The following TXNRD1 variants were observed in gnomAD, a reference collection of about 807,000 sequenced individuals.
TXNRD1 encodes the protein thioredoxin reductase 1, cytoplasmic.
In TXNRD1, 57 loss-of-function variants were observed where a neutral mutation model predicts 80.3. The observed-to-expected ratio is 0.71, with a 90% CI of 0.57 to 0.89. The LOEUF is 0.89. TXNRD1 is among the 40% of genes least tolerant of loss of function. The pLI is 0.00. For synonymous variants in TXNRD1, 291 were observed against 285.2 expected (o/e 1.02, Z -0.20); for missense variants, 730 against 803.0 (o/e 0.91, Z 1.10).
chr12:104,275,102 C>T (rs2033729112), intron 3 of TXNRD1, among the ~76,000 whole-genome samples: 1 of 151,942 alleles, frequency 6.6e-6, no homozygotes. Flanking sequence ...CTCCTTTTAG[C>T]AAGTTGTTTA....
intron 1 of TXNRD1, among the ~76,000 whole-genome samples, chr12:104,251,325 A>T (rs899175405): frequency 1.3e-5 from 2 of 152,176 alleles, no homozygotes; most frequent in Non-Finnish European, 2.9e-5. Flanking sequence ...CTGAGTTAGG[A>T]ATATTGAATA....
chr12:104,331,744 A>G (rs1333007201), intron 14 of TXNRD1, 103 bp downstream of exon 14: 4 of 715,392 alleles, frequency 5.6e-6, no homozygotes, highest in African/African-American at 1.8e-5. Context: ...GCATTTTCAT[A>G]TACCCGTTAT....
At chr12:104,319,634 C>A in intron 9 of TXNRD1, 49 bp downstream of exon 9, 1 of 1,375,306 alleles carries the variant, frequency 7.3e-7, no homozygotes, top group Non-Finnish European at 1.0e-6. Context: ...GTGGATATTG[C>A]TTTCGCATTT....
rs1478808352 is a variant in TXNRD1, at chr12:104,331,577, A to G, written c.1586A>G (p.Glu529Gly). Reference sequence around the variant, plus strand: ...CCAACCACTGTATTTACTCCTTTGGAATATGGTGCTTGTGGCCTTTCTGAG... The same window carrying G: ...CCAACCACTGTATTTACTCCTTTGGGATATGGTGCTTGTGGCCTTTCTGAG... ...NVPTTVFTPL[E>G]YGACGLSEEK... is the part of the protein sequence containing the mutation. Residue 529 changes from glutamate (E) to glycine (G), a missense_variant, in exon 14 of 17, where the codon GAA becomes GGA. Glu to Gly is a moderately conservative substitution (Grantham distance 98). Transcript: ENST00000525566. The G allele has an allele frequency of 6.2e-7, 1 of 1,612,640 alleles. No individual in the cohort carries two copies. The highest frequency in any genetic ancestry group is 8.5e-7 in the Non-Finnish European group (1 of 1,179,232).
At chr12:104,324,174 A>G (rs962471456) in intron 10 of TXNRD1, among the ~76,000 whole-genome samples, 9 of 152,198 alleles carry the variant, frequency 5.9e-5, no homozygotes, top group Non-Finnish European at 1.2e-4. Context: ...CAATGGACCA[A>G]TTAAGCTCTT....
intron 1 of TXNRD1, among the ~76,000 whole-genome samples, chr12:104,228,942 A>G (rs1409166160): frequency 6.6e-6 from 1 of 151,706 alleles, no homozygotes; most frequent in Non-Finnish European, 1.5e-5. Flanking sequence ...GCTGGTCTCG[A>G]TCTCCTGACC....
At chr12:104,267,784 CTCCTTCCTTCCTTCTT>C (rs1565870418) in intron 3 of TXNRD1, among the ~76,000 whole-genome samples, 1 of 139,164 alleles carries the variant, frequency 7.2e-6, no homozygotes, top group African/African-American at 2.7e-5. Context: ...CTTCCCTTCC[CTCCTTCCTTCCTTCTT>C]TCCTTCCTTC....
At chr12:104,345,878 C>G in intron 16 of TXNRD1, 2 of 1,012,552 alleles carry the variant, frequency 2.0e-6, no homozygotes, top group Non-Finnish European at 1.3e-6. Flanking sequence ...TCCAGCAGCT[C>G]CTGACCCTTG....
intron 6 of TXNRD1, among the ~76,000 whole-genome samples, chr12:104,314,713 T>A (rs2035256534): frequency 6.6e-6 from 1 of 150,682 alleles, no homozygotes; most frequent in African/African-American, 2.4e-5. Flanking sequence ...CTTAAAAAAA[T>A]GCACATATAC....
chr12:104,273,258 C>G (rs1341325575), intron 3 of TXNRD1, among the ~76,000 whole-genome samples: 1 of 152,148 alleles, frequency 6.6e-6, no homozygotes, highest in African/African-American at 2.4e-5. Context: ...AGAGATCCAG[C>G]CAGTGGAAGC....
chr12:104,271,396 C>T (rs1369517192), intron 3 of TXNRD1, among the ~76,000 whole-genome samples: 1 of 152,000 alleles, frequency 6.6e-6, no homozygotes, highest in Admixed American at 6.6e-5. Flanking sequence ...CCAGGATGGT[C>T]TCGATCTCCT....
intron 6 of TXNRD1, among the ~76,000 whole-genome samples, chr12:104,313,645 C>T (rs1057497898): frequency 6.6e-6 from 1 of 152,088 alleles, no homozygotes; most frequent in African/African-American, 2.4e-5. Context: ...TTAAATCTAC[C>T]TCCTACATTC....
chr12:104,331,499 G>T, intron 13 of TXNRD1, 35 bp from the exon 14 acceptor site: 3 of 1,324,582 alleles, frequency 2.3e-6, no homozygotes, highest in Non-Finnish European at 3.2e-6. Flanking sequence ...TTATAACTTT[G>T]CCTATTATAA....
intron 3 of TXNRD1, among the ~76,000 whole-genome samples, chr12:104,273,282 C>T: frequency 6.6e-6 from 1 of 152,162 alleles, no homozygotes; most frequent in Admixed American, 6.5e-5. Context: ...CCACCTTCTA[C>T]ATGCAGACCA....
chr12:104,339,045 T>A, intron 15 of TXNRD1, 94 bp from the exon 16 acceptor site: 1 of 1,508,828 alleles, frequency 6.6e-7, no homozygotes, highest in Non-Finnish European at 8.9e-7. Context: ...GTTGGATTTT[T>A]AAGAAACAGA....
intron 4 of TXNRD1, chr12:104,291,202 T>A: frequency 2.4e-6 from 1 of 419,266 alleles, no homozygotes; most frequent in Non-Finnish European, 4.2e-6. Flanking sequence ...GTGTCTTTTT[T>A]TTTTTTTTTT....
intron 4 of TXNRD1, among the ~76,000 whole-genome samples, chr12:104,292,360 G>A (rs908660735): frequency 3.3e-5 from 5 of 151,844 alleles, no homozygotes; most frequent in South Asian, 4.2e-4. Flanking sequence ...AAGTAGACTC[G>A]GGAAAGAGCT....
chr12:104,245,104 A>G (rs2032949062), intron 1 of TXNRD1, among the ~76,000 whole-genome samples: 1 of 152,250 alleles, frequency 6.6e-6, no homozygotes, highest in Non-Finnish European at 1.5e-5. Flanking sequence ...GATAATAGCT[A>G]TGTTAATAAA....
intron 1 of TXNRD1, among the ~76,000 whole-genome samples, chr12:104,222,950 A>C (rs775084772): frequency 1.3e-5 from 2 of 152,242 alleles, no homozygotes; most frequent in African/African-American, 4.8e-5. Flanking sequence ...TAAAATAGTA[A>C]ACAGCAAAGT....
Sources: allele counts gnomAD v4.1 joint callset (sites outside exome capture counted in the v4.1 genomes callset), GRCh38; gene constraint gnomAD v4.1.1; transcripts MANE v1.5; gene names NCBI Gene and HGNC (gene_info 2026-07-23, HGNC 2026-07-21).